Variants in IQSEC3 observed in about 807,000 individuals in gnomAD.
The protein encoded by IQSEC3 is IQ motif and SEC7 domain-containing protein 3.
A neutral mutation model predicts 105.4 loss-of-function variants in IQSEC3; 50 were observed. The ratio of observed to expected loss-of-function variants is 0.47; its 90% CI spans 0.38 to 0.60. IQSEC3 has a LOEUF of 0.60. Ranked by LOEUF, IQSEC3 falls within the 20% of genes least tolerant of loss-of-function variation. The pLI, the probability that IQSEC3 is intolerant of heterozygous loss-of-function variation, is 0.00. For missense variants in IQSEC3, 1,415 were observed against 1,630.0 expected, an observed-to-expected ratio of 0.87 and a Z score of 2.27; for synonymous variants, 708 against 746.0, an observed-to-expected ratio of 0.95 and a Z score of 0.83.
Position 139,312 on chromosome 12 carries a change from T to C in IQSEC3, c.1949T>C (p.Leu650Pro), listed in dbSNP as rs782280862. The change falls in exon 4 of 14, where the codon CTG becomes CCG. Residue 650 changes from leucine (L) to proline (P), a missense_variant. Around this residue, in one of 6 missense-constraint regions of IQSEC3, gnomAD observed 213 missense variants for 306.2 expected, o/e 0.70. Coordinates refer to ENST00000538872, the MANE Select transcript of IQSEC3 (RefSeq NM_001170738.2). ...CKSPTLSTDT[L>P]RKRLYRIGLN... ...TCGCCCACGCTCTCCACCGACACCCTGCGCAAGCGGCTCTACCGCATCGGC... is the reference window on the plus strand; with the variant it reads ...TCGCCCACGCTCTCCACCGACACCCCGCGCAAGCGGCTCTACCGCATCGGC... 3 of 1,595,672 alleles carry C rather than the reference T, an allele frequency of 1.9e-6. No individual in the cohort carries two copies. The highest frequency in any genetic ancestry group is 3.5e-5 in the Admixed American group (2 of 57,912).
Position 72,868 on chromosome 12 carries a change from A to C in IQSEC3, c.554+5432A>C, listed in dbSNP as rs1298902921. Among the ~76,000 whole-genome samples the C allele has an allele frequency of 6.7e-5, 8 of 120,150 alleles. No individual in the cohort carries two copies. The East Asian group carries it at 1.8e-3, about 27-fold the overall frequency. 78.8% of individuals were successfully genotyped at this position (120,150 alleles called of 152,430 possible). A position where few individuals can be genotyped will look rare whatever the true frequency, so the allele number is the denominator to read the frequency against. ...GACCATCCTAGCTAACATGGTAAAA[A>C]CCCGTCTCAACTAAAAAATGCAAAA... On this transcript the variant is annotated intron_variant, in intron 1 of 13. Transcript: ENST00000538872.
At chr12:83,404 G>A (rs1247888530) in intron 1 of IQSEC3, among the ~76,000 whole-genome samples, 1 of 151,966 alleles carries the variant, frequency 6.6e-6, no homozygotes, top group Non-Finnish European at 1.5e-5. Context: ...AATTCCCAAG[G>A]ACTAGAAGAA....
Position 79,032 on chromosome 12 carries a change from C to T in IQSEC3, c.554+11596C>T, listed in dbSNP as rs565196475. ...GCCATCCTTCCCTTCCCTTGCCTTC[C>T]AGTCCACTGACACCCCTCCGCCATC... On this transcript the variant is annotated intron_variant, in intron 1 of 13. Transcript: ENST00000538872. Among the ~76,000 whole-genome samples, 8 of 152,328 alleles carry T rather than the reference C, an allele frequency of 5.3e-5. No homozygotes were observed. In the South Asian group the frequency reaches 1.5e-3, roughly 28 times the overall value.
In IQSEC3 at chr12:165,504, G is replaced by A. The variant is rs782156971; in HGVS notation, c.2780G>A (p.Gly927Asp). 1.2e-5 allele frequency: 20 copies of A among 1,614,090 alleles called. No homozygotes were observed. The Admixed American group carries it at 3.3e-4, about 27-fold the overall frequency. ...TTTTGCAAGTCAGTTGGCCTGCTGG[G>A]CATGCAGTTCCAGCTCTTTGAGAAC... ...YTFCKSVGLL[G>D]MQFQLFENEY... The change falls in exon 10 of 14, where the codon GGC becomes GAC. Residue 927 changes from glycine (G) to aspartate (D), a missense_variant. This residue lies in a region of IQSEC3 where 419 missense variants were observed against 436.2 expected (regional missense o/e 0.96). Transcript: ENST00000538872.
intron 1 of IQSEC3, among the ~76,000 whole-genome samples, chr12:70,997 C>T (rs1406676886): frequency 6.6e-6 from 1 of 152,260 alleles, no homozygotes; most frequent in Admixed American, 6.5e-5. Flanking sequence ...TTATCTCTCC[C>T]ATCTTCTCTT....
At chr12:72,575 A>AGG (rs1768565954) in intron 1 of IQSEC3, among the ~76,000 whole-genome samples, 2 of 115,858 alleles carry the variant, frequency 1.7e-5, no homozygotes, top group East Asian at 2.0e-4. Flanking sequence ...GCAGACTCTC[A>AGG]GAGGTGAGGC....
Position 139,233 on chromosome 12 carries a change from G to T in IQSEC3, c.1870G>T (p.Ala624Ser), listed in dbSNP as rs1555088313. 4.4e-6 allele frequency: 7 copies of T among 1,607,144 alleles called. No individual in the cohort carries two copies. The South Asian group carries it at 4.4e-5, about 10-fold the overall frequency. Residue 624 changes from alanine to serine, a missense_variant, in exon 4 of 14, where the codon GCC becomes TCC. Physicochemically the swap from Ala to Ser is moderately conservative, Grantham distance 99. Around this residue, in one of 6 missense-constraint regions of IQSEC3, gnomAD observed 720 missense variants for 633.0 expected, o/e 1.14. Transcript: ENST00000538872. ...SASASKDALQ[A>S]MILSLPRYHC... ...CTCCGCCTCCAAGGACGCCCTGCAGGCCATGATCCTGAGCCTGCCGCGCTA... is the reference window on the plus strand; with the variant it reads ...CTCCGCCTCCAAGGACGCCCTGCAGTCCATGATCCTGAGCCTGCCGCGCTA...
chr12:173,896 T>TTG lies in IQSEC3; in HGVS notation c.3115-702_3115-701dup, dbSNP rs766253030. Among the ~76,000 whole-genome samples the TTG allele has an allele frequency of 1.7e-4, 26 of 152,296 alleles. No homozygotes were observed. The South Asian group carries it at 3.1e-3, about 18-fold the overall frequency. On this transcript the variant is annotated intron_variant, in intron 13 of 13. Transcript: ENST00000538872. ...CTGGGCCACCTCCTCCTGCCCCGCC[T>TTG]TGGGGATCAAGGTTAGAGCCCTCTC...
chr12:91,247 C>T (rs1555073318), intron 1 of IQSEC3, among the ~76,000 whole-genome samples: 1 of 152,206 alleles, frequency 6.6e-6, no homozygotes, highest in African/African-American at 2.4e-5. Flanking sequence ...CACTCTTCAT[C>T]AGTTCTTCTA....
intron 7 of IQSEC3, among the ~76,000 whole-genome samples, chr12:161,042 A>G (rs1391802916): frequency 6.6e-6 from 1 of 152,082 alleles, no homozygotes; most frequent in East Asian, 1.9e-4. Context: ...TGGCTGCTGC[A>G]TGGCTCATTT....
chr12:109,690 G>T (rs1223421426), intron 2 of IQSEC3, among the ~76,000 whole-genome samples: 1 of 151,970 alleles, frequency 6.6e-6, no homozygotes, highest in African/African-American at 2.4e-5. Flanking sequence ...CCTCCTTGTT[G>T]CTTGAGCCTC....
In IQSEC3 at chr12:73,118, G is replaced by A. The variant is rs1555067983; in HGVS notation, c.554+5682G>A. 2.6e-5 allele frequency among the ~76,000 whole-genome samples: 4 copies of A among 151,466 alleles called. No individual in the cohort carries two copies. The South Asian group carries it at 8.4e-4, about 32-fold the overall frequency. On this transcript the variant is annotated intron_variant, in intron 1 of 13. Coordinates refer to ENST00000538872, the MANE Select transcript of IQSEC3 (RefSeq NM_001170738.2). ...AATAAAAAAGGGAATCAGGAGTAAG[G>A]CAAGGGCAAAGCTAAATCTTTCAGG...
In IQSEC3 at chr12:119,710, G is replaced by A. The variant is rs548134978; in HGVS notation, c.624-5923G>A. On this transcript the variant is annotated intron_variant, in intron 2 of 13. Coordinates refer to ENST00000538872, the MANE Select transcript of IQSEC3 (RefSeq NM_001170738.2). The stretch of plus-strand genomic sequence containing the variant: ...CAGCAGCAGCCTTGGCCAATCCCAC[G>A]TGGCACATCAACCTCAGCCCATGTT... Among the ~76,000 whole-genome samples, 12 of 152,202 alleles carry A rather than the reference G, an allele frequency of 7.9e-5. No homozygotes were observed. The South Asian group carries it at 1.0e-3, about 13-fold the overall frequency.
At chr12:103,634 A>G (rs1422665597) in intron 2 of IQSEC3, among the ~76,000 whole-genome samples, 1 of 49,700 alleles carries the variant, frequency 2.0e-5, no homozygotes. Flanking sequence ...TTCAGGGGGG[A>G]GGCGGGGCTC....
intron 5 of IQSEC3, chr12:149,217 C>G (rs1555091924): frequency 6.6e-6 from 1 of 152,292 alleles, no homozygotes; most frequent in Non-Finnish European, 1.5e-5. Context: ...ACGCGCCCGT[C>G]AGCAGCACCT....
intron 3 of IQSEC3, 111 bp downstream of exon 3, chr12:126,023 C>A (rs782133757): frequency 1.5e-5 from 17 of 1,122,758 alleles, no homozygotes; most frequent in Non-Finnish European, 2.0e-5. Context: ...ACAGGCACAC[C>A]TCTTTTGCCA....
rs1368904733 is a variant in IQSEC3, at chr12:152,615, C to A, written c.2154-4410C>A. The stretch of plus-strand genomic sequence containing the variant: ...AGCTTGAGAAGATGAGGTCATTGCA[C>A]ACATAGTGAAGCACTTAGAGCCATA... On this transcript the variant is annotated intron_variant, in intron 5 of 13. Coordinates refer to ENST00000538872, the MANE Select transcript of IQSEC3 (RefSeq NM_001170738.2). This position sits in a 1 kb window ranked among gnomAD's most constrained non-coding sequence, Gnocchi z 4.8. Among the ~76,000 whole-genome samples the A allele has an allele frequency of 6.6e-6, 1 of 152,142 alleles. No individual in the cohort carries two copies. The highest frequency in any genetic ancestry group is 1.5e-5 in the Non-Finnish European group (1 of 68,034).
At chr12:78,116 C>T (rs1863614668) in intron 1 of IQSEC3, among the ~76,000 whole-genome samples, 1 of 150,896 alleles carries the variant, frequency 6.6e-6, no homozygotes, top group African/African-American at 2.4e-5. Flanking sequence ...CCCGGGCGCC[C>T]CCGCCTCCCC....
At position 171,126 on chromosome 12, in the gene IQSEC3, G is replaced by A. The variant is rs113137859; in HGVS notation, c.3079G>A (p.Ala1027Thr). ...TGCATTCAAAGCCAAAAGGGAAGCCGCGCTCAGGGAGAGGCCGGCGGAGAG... is the reference window on the plus strand; with the variant it reads ...TGCATTCAAAGCCAAAAGGGAAGCCACGCTCAGGGAGAGGCCGGCGGAGAG... The part of the protein sequence containing the change: ...QGSPTAKREA[A>T]LRERPAESTV... Residue 1027 changes from alanine to threonine, a missense_variant, in exon 13 of 14, where the codon GCG becomes ACG. Physicochemically the swap from Ala to Thr is moderately conservative, Grantham distance 58. This residue lies in a region of IQSEC3 where 419 missense variants were observed against 436.2 expected (regional missense o/e 0.96). Coordinates refer to ENST00000538872, the MANE Select transcript of IQSEC3 (RefSeq NM_001170738.2). 3.6e-4 allele frequency: 589 copies of A among 1,613,938 alleles called. 1 individual carries two copies. The highest frequency in any genetic ancestry group is 3.1e-4 in the South Asian group (28 of 91,086).
Sources: allele counts gnomAD v4.1 joint callset (sites outside exome capture counted in the v4.1 genomes callset), GRCh38; gene constraint gnomAD v4.1.1; regional missense constraint gnomAD v4.1.1; non-coding constraint Gnocchi (gnomAD v3.1); transcripts MANE v1.5; gene names NCBI Gene and HGNC (gene_info 2026-07-23, HGNC 2026-07-21).